The following PLD5 variants were observed in gnomAD, a reference collection of about 807,000 sequenced individuals.
The protein encoded by PLD5 is inactive phospholipase D5.
A neutral mutation model predicts 61.1 loss-of-function variants in PLD5; 36 were observed. That is an observed-to-expected ratio of 0.59 (90% CI 0.45 to 0.78). PLD5 has a LOEUF of 0.78. Ranked by LOEUF, PLD5 falls within the 30% of genes least tolerant of loss-of-function variation. PLD5 has a pLI of 0.00. For missense variants in PLD5, 515 were observed against 644.4 expected, an observed-to-expected ratio of 0.80 and a Z score of 2.17; for synonymous variants, 243 against 242.8, an observed-to-expected ratio of 1.00 and a Z score of -0.01.
At chr1:242,173,636 C>T (rs1194596793) in intron 5 of PLD5, among the ~76,000 whole-genome samples, 2 of 152,216 alleles carry the variant, frequency 1.3e-5, no homozygotes, top group African/African-American at 2.4e-5. Context: ...TGCTACCTGA[C>T]TTCAAACTAT....
At chr1:242,331,173 T>C (rs945208039) in intron 2 of PLD5, among the ~76,000 whole-genome samples, 2 of 152,186 alleles carry the variant, frequency 1.3e-5, no homozygotes, top group African/African-American at 2.4e-5. Context: ...CAAATATGAA[T>C]GAGCCACAGT....
chr1:242,468,307 TACAG>T (rs755128515), intron 1 of PLD5, among the ~76,000 whole-genome samples: 1 of 152,210 alleles, frequency 6.6e-6, no homozygotes, highest in Non-Finnish European at 1.5e-5. Flanking sequence ...ACACCTAATA[TACAG>T]ACAAACTGTA....
chr1:242,298,658 G>A (rs1192723988), intron 2 of PLD5, among the ~76,000 whole-genome samples: 1 of 152,162 alleles, frequency 6.6e-6, no homozygotes, highest in African/African-American at 2.4e-5. Context: ...GATCAGCTTG[G>A]ACTGAGATGC....
At chr1:242,409,060 C>G (rs1335261349) in intron 1 of PLD5, among the ~76,000 whole-genome samples, 1 of 130,234 alleles carries the variant, frequency 7.7e-6, no homozygotes, top group Non-Finnish European at 1.6e-5. Context: ...GAGCAAGACT[C>G]CTCTCAAAAA....
At chr1:242,375,832 C>A (rs1430847140) in intron 1 of PLD5, among the ~76,000 whole-genome samples, 1 of 152,042 alleles carries the variant, frequency 6.6e-6, no homozygotes, top group Non-Finnish European at 1.5e-5. Context: ...AAGGTAACGG[C>A]CAATTGCAAT....
At chr1:242,471,010 C>T (rs1383772929) in intron 1 of PLD5, among the ~76,000 whole-genome samples, 1 of 152,216 alleles carries the variant, frequency 6.6e-6, no homozygotes, top group Non-Finnish European at 1.5e-5. Flanking sequence ...CCTTCCAGGC[C>T]ACAGTGGTTC....
intron 8 of PLD5, among the ~76,000 whole-genome samples, chr1:242,101,899 A>G (rs368020519): frequency 2.4e-4 from 36 of 152,204 alleles, no homozygotes; most frequent in African/African-American, 8.7e-4. Flanking sequence ...AAAATCTACT[A>G]CTTAAAAACT....
At chr1:242,321,642 C>T (rs1658418267) in intron 2 of PLD5, among the ~76,000 whole-genome samples, 1 of 152,106 alleles carries the variant, frequency 6.6e-6, no homozygotes, top group Non-Finnish European at 1.5e-5. Context: ...CTTTGCCAGC[C>T]AGGCCTCCTC....
chr1:242,214,080 C>T (rs1669992660), intron 5 of PLD5, among the ~76,000 whole-genome samples: 1 of 152,166 alleles, frequency 6.6e-6, no homozygotes, highest in Non-Finnish European at 1.5e-5. Flanking sequence ...ACAAATAGCG[C>T]ATGTCCTTCC....
chr1:242,508,588 C>T (rs1449676614), intron 1 of PLD5, among the ~76,000 whole-genome samples: 2 of 152,154 alleles, frequency 1.3e-5, no homozygotes, highest in East Asian at 3.9e-4. Context: ...TTCCCAGTAG[C>T]TCATCTCTGT....
intron 5 of PLD5, among the ~76,000 whole-genome samples, chr1:242,134,935 AC>A: frequency 6.6e-6 from 1 of 152,268 alleles, no homozygotes; most frequent in East Asian, 1.9e-4. Context: ...CTAGCCTGCA[AC>A]CCTGAGTGCA....
rs565333274 is a variant in PLD5, at chr1:242,190,495, G to A, written c.735+29493C>T. Among the ~76,000 whole-genome samples, 90 of 152,088 alleles carry A rather than the reference G, an allele frequency of 5.9e-4. 2 individuals are homozygous for A. In the South Asian group the frequency reaches 0.017, roughly 28 times the overall value. On this transcript the variant is annotated intron_variant, in intron 5 of 9. Coordinates refer to ENST00000536534, the MANE Select transcript of PLD5 (RefSeq NM_001372062.1). ...GGTGCTCCTCAGGGATGTGACTATC[G>A]TGTATTCTTCATGCTAGCACAAAGC...
chr1:242,475,394 G>A (rs1667563124), intron 1 of PLD5, among the ~76,000 whole-genome samples: 1 of 133,436 alleles, frequency 7.5e-6, no homozygotes, highest in Non-Finnish European at 1.5e-5. Context: ...CTGCACTCCA[G>A]CCTGGGCGAC....
intron 5 of PLD5, among the ~76,000 whole-genome samples, chr1:242,194,752 T>G (rs1668528696): frequency 6.6e-6 from 1 of 152,234 alleles, no homozygotes; most frequent in African/African-American, 2.4e-5. Context: ...CTGGAGATTA[T>G]TATTCTAAGT....
At chr1:242,342,466 A>T (rs1462120464) in intron 2 of PLD5, among the ~76,000 whole-genome samples, 1 of 152,180 alleles carries the variant, frequency 6.6e-6, no homozygotes, top group Non-Finnish European at 1.5e-5. Flanking sequence ...GTGTGTGGCT[A>T]CCTCTCACAA....
At chr1:242,111,606 G>T (rs10803016) in intron 7 of PLD5, among the ~76,000 whole-genome samples, 74,356 of 151,752 alleles carry the variant, frequency 0.49, 18,402 homozygotes, top group East Asian at 0.6. Flanking sequence ...ACTGAAATTT[G>T]ATAGTATTTA....
chr1:242,494,786 G>C (rs574601433), intron 1 of PLD5, among the ~76,000 whole-genome samples: 235 of 151,660 alleles, frequency 1.5e-3, no homozygotes, highest in African/African-American at 4.7e-3. Flanking sequence ...TAATAATCTT[G>C]ATATAACTCA....
At chr1:242,268,998 A>T (rs1286465653) in intron 3 of PLD5, among the ~76,000 whole-genome samples, 1 of 152,008 alleles carries the variant, frequency 6.6e-6, no homozygotes, top group Non-Finnish European at 1.5e-5. Context: ...ACCTGCCACC[A>T]TGATCGACTA....
intron 5 of PLD5, among the ~76,000 whole-genome samples, chr1:242,146,312 C>T (rs1034688792): frequency 6.6e-6 from 1 of 152,128 alleles, no homozygotes; most frequent in Non-Finnish European, 1.5e-5. Context: ...TTCCAAATGA[C>T]CTTTTTAATT....
Sources: gnomAD v4.1 joint callset for allele counts (sites outside exome capture counted in the v4.1 genomes callset) on GRCh38, gnomAD v4.1.1 for gene constraint, MANE v1.5 for transcripts, NCBI Gene and HGNC (gene_info 2026-07-23, HGNC 2026-07-21) for gene names.